Variants in FHIT observed in about 807,000 individuals in gnomAD.
FHIT encodes fragile histidine triad diadenosine triphosphatase, also known as bis(5'-adenosyl)-triphosphatase.
FHIT carries 19 observed loss-of-function variants against 17.9 expected under a neutral mutation model. The observed-to-expected ratio is 1.06, with a 90% CI of 0.74 to 1.56. The LOEUF (loss-of-function observed/expected upper bound fraction) is 1.56, where lower values mean the gene tolerates loss of function less well. Among genes scored for constraint, FHIT ranks in the 40% most tolerant of loss-of-function variants. FHIT has a pLI of 0.00. For synonymous variants in FHIT, 81 were observed against 69.7 expected (o/e 1.16, Z -0.81); for missense variants, 248 against 189.2 (o/e 1.31, Z -1.82).
chr3:60,632,086 T>G (rs561427324), intron 4 of FHIT, among the ~76,000 whole-genome samples: 310 of 14,896 alleles, frequency 0.021, 2 homozygotes, highest in African/African-American at 0.038. Context: ...AAAGAAGTGT[T>G]TTTTTTTTGT....
At chr3:60,684,670 G>A (rs193215986) in intron 4 of FHIT, among the ~76,000 whole-genome samples, 3 of 151,982 alleles carry the variant, frequency 2.0e-5, no homozygotes, top group Admixed American at 6.6e-5. Flanking sequence ...ATTCCATTGC[G>A]CATCCGTGAC....
intron 4 of FHIT, among the ~76,000 whole-genome samples, chr3:60,707,840 G>C (rs1386141773): frequency 6.6e-6 from 1 of 152,194 alleles, no homozygotes; most frequent in Non-Finnish European, 1.5e-5. Flanking sequence ...AAACAGTCCA[G>C]CAAAATTTAT....
chr3:59,993,781 A>G (rs1258369955), intron 7 of FHIT, among the ~76,000 whole-genome samples: 1 of 151,866 alleles, frequency 6.6e-6, no homozygotes. Context: ...TCTGCCTCTG[A>G]CTGGATTCTA....
chr3:60,248,287 T>G (rs1263721197), intron 5 of FHIT, among the ~76,000 whole-genome samples: 1 of 152,166 alleles, frequency 6.6e-6, no homozygotes. Flanking sequence ...ATTCCTGATC[T>G]GAGGTGATAA....
intron 5 of FHIT, among the ~76,000 whole-genome samples, chr3:60,390,396 T>TAAAAAAAAA (rs869078939): frequency 3.4e-4 from 11 of 32,028 alleles, no homozygotes; most frequent in South Asian, 1.7e-3. Flanking sequence ...GTAATGGAGC[T>TAAAAAAAAA]AAAAAAAAAA....
chr3:60,182,291 C>G (rs1353465529), intron 5 of FHIT, among the ~76,000 whole-genome samples: 1 of 152,148 alleles, frequency 6.6e-6, no homozygotes, highest in East Asian at 1.9e-4. Flanking sequence ...TCCTACAGGC[C>G]TCCTACCTCA....
intron 5 of FHIT, among the ~76,000 whole-genome samples, chr3:60,144,741 C>G (rs1426496983): frequency 3.3e-5 from 5 of 151,980 alleles, no homozygotes; most frequent in African/African-American, 1.2e-4. Context: ...TGGTGAAAAC[C>G]TTCAATAGCC....
intron 5 of FHIT, among the ~76,000 whole-genome samples, chr3:60,271,906 C>T (rs1706884434): frequency 1.3e-5 from 2 of 152,158 alleles, no homozygotes; most frequent in Admixed American, 1.3e-4. Flanking sequence ...GAAAACTTAC[C>T]AAACTCCAGG....
chr3:60,561,665 T>A (rs1168499885), intron 4 of FHIT, among the ~76,000 whole-genome samples: 1 of 152,090 alleles, frequency 6.6e-6, no homozygotes, highest in Non-Finnish European at 1.5e-5. Context: ...CTGACACCAT[T>A]CAAATAGAAA....
intron 3 of FHIT, among the ~76,000 whole-genome samples, chr3:60,955,766 C>T (rs1709123714): frequency 6.6e-6 from 1 of 151,602 alleles, no homozygotes; most frequent in African/African-American, 2.4e-5. Context: ...AAACAATAGG[C>T]AGGAGATGAG....
intron 7 of FHIT, among the ~76,000 whole-genome samples, chr3:59,946,118 G>C (rs1706790131): frequency 2.6e-5 from 4 of 152,180 alleles, no homozygotes; most frequent in Admixed American, 2.0e-4. Context: ...GCTTTGGGCA[G>C]TGTGGCCATT....
chr3:60,325,785 T>C (rs1315358814), intron 5 of FHIT, among the ~76,000 whole-genome samples: 1 of 152,186 alleles, frequency 6.6e-6, no homozygotes, highest in East Asian at 1.9e-4. Context: ...CAGCAGGGCA[T>C]TTACTGTAGT....
intron 8 of FHIT, among the ~76,000 whole-genome samples, chr3:59,802,658 G>A (rs1330330825): frequency 6.6e-6 from 1 of 151,946 alleles, no homozygotes; most frequent in Non-Finnish European, 1.5e-5. Flanking sequence ...GACTCAGCCC[G>A]CCTGCACCCA....
chr3:60,186,160 G>A (rs975294136), intron 5 of FHIT, among the ~76,000 whole-genome samples: 2 of 151,758 alleles, frequency 1.3e-5, no homozygotes, highest in Admixed American at 6.6e-5. Context: ...TGTAACTTAC[G>A]ATTTTTTTCA....
chr3:60,552,857 CTG>C (rs1382771278), intron 4 of FHIT, among the ~76,000 whole-genome samples: 7 of 152,280 alleles, frequency 4.6e-5, no homozygotes, highest in African/African-American at 1.7e-4. Context: ...GGGCCAGTGT[CTG>C]TGTGAAATCT....
intron 5 of FHIT, among the ~76,000 whole-genome samples, chr3:60,155,437 G>T (rs969909500): frequency 6.6e-6 from 1 of 152,232 alleles, no homozygotes; most frequent in African/African-American, 2.4e-5. Context: ...GACTTGAAGC[G>T]AAGCTGCCTG....
rs569602644 is a variant in FHIT, at chr3:60,506,784, G to GCCAGCTGAGCCCAGCCAAGA, written c.103+30056_103+30075dup. ...GAGAAGACAATGGAGCAGACCCAAA[G>GCCAGCTGAGCCCAGCCAAGA]CCAGCTGAGCCCAGCCAAGACCAGC... On this transcript the variant is annotated intron_variant, in intron 5 of 9. Transcript: ENST00000492590. Among the ~76,000 whole-genome samples, 544 of 152,254 alleles carry GCCAGCTGAGCCCAGCCAAGA rather than the reference G, an allele frequency of 3.6e-3. 4 individuals are homozygous for GCCAGCTGAGCCCAGCCAAGA. The highest frequency in any genetic ancestry group is 0.012 in the African/African-American group (509 of 41,538).
intron 4 of FHIT, among the ~76,000 whole-genome samples, chr3:60,621,193 G>A (rs1553678417): frequency 1.5e-5 from 2 of 135,976 alleles, no homozygotes; most frequent in Non-Finnish European, 3.1e-5. Context: ...TGGTCACCTA[G>A]GCTGGAGTGC....
chr3:60,742,763 C>A (rs1245639213), intron 4 of FHIT, among the ~76,000 whole-genome samples: 1 of 152,154 alleles, frequency 6.6e-6, no homozygotes, highest in Non-Finnish European at 1.5e-5. Context: ...CCCCTGAGTC[C>A]TCAGAAGATG....
Sources: allele counts gnomAD v4.1 joint callset (sites outside exome capture counted in the v4.1 genomes callset), GRCh38; gene constraint gnomAD v4.1.1; transcripts MANE v1.5; gene names NCBI Gene and HGNC (gene_info 2026-07-23, HGNC 2026-07-21).